LAMA4: variants seen among roughly 807,000 people sequenced by gnomAD.
The protein encoded by LAMA4 is laminin subunit alpha-4.
Under a neutral mutation model 207.1 loss-of-function variants are expected in LAMA4, and 127 were observed. That is an observed-to-expected ratio of 0.61 (90% confidence interval 0.53 to 0.71). The LOEUF (loss-of-function observed/expected upper bound fraction) is 0.71. LAMA4 is among the 30% of genes least tolerant of loss of function. The pLI is 0.00. For missense variants in LAMA4, 2,093 were observed against 2,246.5 expected, an observed-to-expected ratio of 0.93 and a Z score of 1.38; for synonymous variants, 761 against 816.0, an observed-to-expected ratio of 0.93 and a Z score of 1.15.
chr6:112,190,913 TTC>T (rs1783008363), intron 6 of LAMA4, among the ~76,000 whole-genome samples: 3 of 97,342 alleles, frequency 3.1e-5, no homozygotes, highest in South Asian at 9.7e-4. Flanking sequence ...CTTTCTTTCT[TTC>T]TTTCTTTCTT....
chr6:112,202,310 A>G (rs1562727530), intron 4 of LAMA4, among the ~76,000 whole-genome samples: 2 of 152,128 alleles, frequency 1.3e-5, no homozygotes, highest in Non-Finnish European at 2.9e-5. Flanking sequence ...AGGACACAGG[A>G]CAAAAAAGTA....
chr6:112,225,941 T>C (rs569542758), intron 2 of LAMA4, among the ~76,000 whole-genome samples: 1 of 152,324 alleles, frequency 6.6e-6, no homozygotes, highest in Admixed American at 6.5e-5. Context: ...TTTTAAATTC[T>C]CTACACATAA....
chr6:112,227,601 T>C (rs1047378745), intron 2 of LAMA4, among the ~76,000 whole-genome samples: 3 of 152,238 alleles, frequency 2.0e-5, no homozygotes, highest in Admixed American at 1.3e-4. Context: ...CGCTTGTGTA[T>C]AATTTCCCCA....
At chr6:112,188,858 T>G in intron 7 of LAMA4, 2 of 448,170 alleles carry the variant, frequency 4.5e-6, no homozygotes, top group South Asian at 5.5e-5. Flanking sequence ...CTTTAGCCAT[T>G]AGGTAAGATT....
chr6:112,142,863 T>C (rs1779786463), intron 19 of LAMA4, among the ~76,000 whole-genome samples: 1 of 152,194 alleles, frequency 6.6e-6, no homozygotes, highest in South Asian at 2.1e-4. Flanking sequence ...ACCTTCAGTT[T>C]CCTCATCTGT....
intron 38 of LAMA4, among the ~76,000 whole-genome samples, chr6:112,112,632 G>C (rs1562620192): frequency 6.6e-6 from 1 of 151,364 alleles, no homozygotes; most frequent in African/African-American, 2.4e-5. Flanking sequence ...GAGGACTGGG[G>C]AATGGAGAGG....
chr6:112,126,588 A>C (rs1468518649), intron 31 of LAMA4, among the ~76,000 whole-genome samples: 1 of 152,224 alleles, frequency 6.6e-6, no homozygotes, highest in East Asian at 1.9e-4. Context: ...AAGAGGATTG[A>C]AAAAAGTAGT....
At position 112,136,181 on chromosome 6, in the gene LAMA4, G is replaced by C. The variant is rs1050349; in HGVS notation, c.3356C>G (p.Pro1119Arg). The change falls in exon 25 of 39, where the codon CCT (proline) becomes CGT (arginine). Residue 1119 changes from proline (P) to arginine (R), a missense_variant. Pro to Arg is a moderately radical substitution (Grantham distance 103, BLOSUM62 -2). Transcript: ENST00000230538. Reference sequence around the variant, plus strand: ...CTTTAACGTATCTTCAAGATGCACAGGGCCACCGCTGAATCCAAAATCATA... The same window carrying C: ...CTTTAACGTATCTTCAAGATGCACACGGCCACCGCTGAATCCAAAATCATA... ...VFYDFGFSGG[P>R]VHLEDTLKKA... 396,151 of 1,609,616 alleles carry C rather than the reference G, an allele frequency of 0.25. 50,390 individuals are homozygous for C. Among genetic ancestry groups the C allele is most frequent in the East Asian group, 0.34 (15,164 of 44,802 alleles).
At chr6:112,169,268 C>T (rs2114850258) in intron 12 of LAMA4, among the ~76,000 whole-genome samples, 1 of 152,168 alleles carries the variant, frequency 6.6e-6, no homozygotes, top group Admixed American at 6.5e-5. Context: ...GAACCCAGAG[C>T]AGGAGGGGCT....
At chr6:112,113,973 G>C (rs143630621) in intron 38 of LAMA4, 103 bp downstream of exon 38, 2 of 1,325,470 alleles carry the variant, frequency 1.5e-6, no homozygotes, top group African/African-American at 2.9e-5. Context: ...AATCCTTTGA[G>C]TAACTAGGTG....
In LAMA4 at chr6:112,161,051, C is replaced by T. The variant is rs536806933; in HGVS notation, c.1669-2171G>A. Among the ~76,000 whole-genome samples the T allele has an allele frequency of 1.5e-3, 229 of 152,264 alleles. 1 individual carries two copies. The highest frequency in any genetic ancestry group is 2.5e-3 in the Admixed American group (38 of 15,294). On this transcript the variant is annotated intron_variant, in intron 13 of 38. Coordinates refer to ENST00000230538, the MANE Select transcript of LAMA4 (RefSeq NM_001105206.3). ...ACCAACTGGTTGTTGTTTTAATGCT[C>T]CACAATTTTTTCTGGTCTCTTACCT...
At chr6:112,140,414 C>G (rs782685344) in intron 22 of LAMA4, among the ~76,000 whole-genome samples, 1 of 152,090 alleles carries the variant, frequency 6.6e-6, no homozygotes, top group Non-Finnish European at 1.5e-5. Flanking sequence ...TTTTTGAAAC[C>G]ACCACTGCAA....
intron 2 of LAMA4, among the ~76,000 whole-genome samples, chr6:112,231,832 C>T (rs1472148561): frequency 6.6e-6 from 1 of 152,154 alleles, no homozygotes; most frequent in Admixed American, 6.5e-5. Flanking sequence ...GCCATGAAAC[C>T]AACACCTTCA....
At position 112,162,412 on chromosome 6, in the gene LAMA4, C is replaced by T. The variant is rs868925678; in HGVS notation, c.1668+2748G>A. ...GCTTGAACCCAGGAGGCAGAGGTTG[C>T]AGTGAGCCGAGATCACTCCATTGCA... On this transcript the variant is annotated intron_variant, in intron 13 of 38. Transcript: ENST00000230538. 7.9e-5 allele frequency among the ~76,000 whole-genome samples: 12 copies of T among 152,028 alleles called. No individual in the cohort carries two copies. In the South Asian group the frequency reaches 1.2e-3, roughly 16 times the overall value.
chr6:112,124,099 CT>C (rs1458763669), intron 31 of LAMA4, among the ~76,000 whole-genome samples: 1 of 152,130 alleles, frequency 6.6e-6, no homozygotes, highest in Non-Finnish European at 1.5e-5. Flanking sequence ...GATATGATCA[CT>C]TTTGTCTCAG....
rs74832409 is a variant in LAMA4, at chr6:112,166,627, A to G, written c.1552-1351T>C. Among the ~76,000 whole-genome samples the G allele has an allele frequency of 8.4e-3, 1,274 of 152,312 alleles. 16 individuals carry two copies. The highest frequency in any genetic ancestry group is 0.028 in the African/African-American group (1,180 of 41,568). ...AACTTCAAAGCTGTGTGCTAATAGCACTGTATATAAGCTTATTTGCAGTAG... is the reference window on the plus strand; with the variant it reads ...AACTTCAAAGCTGTGTGCTAATAGCGCTGTATATAAGCTTATTTGCAGTAG... On this transcript the variant is annotated intron_variant, in intron 12 of 38. Transcript: ENST00000230538.
chr6:112,151,576 C>A (rs1780406952), intron 16 of LAMA4, among the ~76,000 whole-genome samples: 1 of 151,954 alleles, frequency 6.6e-6, no homozygotes, highest in Non-Finnish European at 1.5e-5. Context: ...GATCTTTATG[C>A]GTAGCAACCT....
intron 36 of LAMA4, 131 bp from the exon 37 acceptor site, chr6:112,114,887 A>C (rs1777920160): frequency 1.4e-6 from 1 of 731,412 alleles, no homozygotes; most frequent in East Asian, 2.8e-5. Flanking sequence ...TGCAATTTGA[A>C]CACAAGGGTC....
At chr6:112,250,022 T>C (rs1787321103) in intron 2 of LAMA4, among the ~76,000 whole-genome samples, 1 of 152,206 alleles carries the variant, frequency 6.6e-6, no homozygotes, top group Non-Finnish European at 1.5e-5. Context: ...GATGAGACTA[T>C]ACCTTCTTTC....
Sources: allele counts gnomAD v4.1 joint callset (sites outside exome capture counted in the v4.1 genomes callset), GRCh38; gene constraint gnomAD v4.1.1; transcripts MANE v1.5; gene names NCBI Gene and HGNC (gene_info 2026-07-23, HGNC 2026-07-21).